The following IQCM variants were observed in gnomAD, a reference collection of about 807,000 sequenced individuals.
The protein encoded by IQCM is IQ motif containing M, also known as IQ domain-containing protein M.
A neutral mutation model predicts 57.6 loss-of-function variants in IQCM; 45 were observed. The observed-to-expected ratio is 0.78, with a 90% confidence interval of 0.62 to 1.00. The LOEUF (loss-of-function observed/expected upper bound fraction) is 1.00, where lower values mean the gene tolerates loss of function less well. Ranked by LOEUF, IQCM falls within the 50% of genes least tolerant of loss-of-function variation. The pLI is 0.00. For synonymous variants in IQCM, 148 were observed against 158.9 expected, an observed-to-expected ratio of 0.93 and a Z score of 0.51; for missense variants, 468 against 511.6, an observed-to-expected ratio of 0.91 and a Z score of 0.82.
chr4:149,680,919 T>A (rs1417717832), intron 7 of IQCM, among the ~76,000 whole-genome samples: 1 of 151,304 alleles, frequency 6.6e-6, no homozygotes, highest in Non-Finnish European at 1.5e-5. Context: ...AAGACTTAAA[T>A]GAATTTCAAC....
chr4:149,356,391 G>A (rs1728982504), intron 13 of IQCM, among the ~76,000 whole-genome samples: 2 of 152,082 alleles, frequency 1.3e-5, no homozygotes, highest in African/African-American at 4.8e-5. Context: ...TAACATTTAA[G>A]TCTTTAATCC....
intron 5 of IQCM, among the ~76,000 whole-genome samples, chr4:149,718,737 C>A (rs76139016): frequency 6.6e-6 from 1 of 152,128 alleles, no homozygotes; most frequent in Non-Finnish European, 1.5e-5. Context: ...CAGCTTCTGG[C>A]GACTGCCAGA....
At chr4:149,465,189 T>C (rs1406226245) in intron 12 of IQCM, among the ~76,000 whole-genome samples, 8 of 152,326 alleles carry the variant, frequency 5.3e-5, no homozygotes, top group African/African-American at 1.9e-4. Context: ...ATAAATCAGA[T>C]AAATTTCTAT....
rs545156112 is a variant in IQCM, at chr4:149,720,606, C to A, written c.385+12638G>T. Among the ~76,000 whole-genome samples, 37 of 152,234 alleles carry A rather than the reference C, an allele frequency of 2.4e-4. No homozygotes were observed. In the East Asian group the frequency reaches 7.1e-3, roughly 29 times the overall value. The stretch of plus-strand genomic sequence containing the variant: ...TGTCATTCAGATATGAATTATAATT[C>A]TATTCATGTGCTAATTTAAGAATTC... On this transcript the variant is annotated intron_variant, in intron 5 of 13. Transcript: ENST00000636793.
chr4:149,678,284 G>GA (rs1341558591), intron 7 of IQCM, among the ~76,000 whole-genome samples: 6 of 151,508 alleles, frequency 4.0e-5, no homozygotes, highest in Admixed American at 1.3e-4. Context: ...AGCAACAAGA[G>GA]AAAAAAAGCA....
chr4:149,535,618 T>C (rs1209039439), intron 12 of IQCM, among the ~76,000 whole-genome samples: 3 of 152,098 alleles, frequency 2.0e-5, no homozygotes, highest in Non-Finnish European at 2.9e-5. Context: ...AGATGGTTAT[T>C]TTCTACTTAA....
intron 8 of IQCM, among the ~76,000 whole-genome samples, chr4:149,609,227 T>C (rs1755061827): frequency 6.6e-6 from 1 of 151,728 alleles, no homozygotes; most frequent in Non-Finnish European, 1.5e-5. Flanking sequence ...CAACTAGTAT[T>C]GAGATAGAAG....
intron 7 of IQCM, among the ~76,000 whole-genome samples, chr4:149,648,293 T>C (rs1410554030): frequency 4.6e-5 from 7 of 152,192 alleles, no homozygotes; most frequent in African/African-American, 1.4e-4. Context: ...TTATTTGTCA[T>C]TGTCTTTAAA....
intron 12 of IQCM, among the ~76,000 whole-genome samples, chr4:149,490,274 A>T (rs1741954891): frequency 6.6e-6 from 1 of 152,024 alleles, no homozygotes; most frequent in African/African-American, 2.4e-5. Flanking sequence ...TGTTTTGATA[A>T]GCATTTTGAA....
intron 8 of IQCM, among the ~76,000 whole-genome samples, chr4:149,614,874 C>T (rs1024372851): frequency 1.3e-5 from 2 of 152,194 alleles, no homozygotes; most frequent in Non-Finnish European, 2.9e-5. Context: ...AGTGGCAGAG[C>T]TCCTCCCAGT....
chr4:149,494,757 G>A (rs927612915), intron 12 of IQCM, among the ~76,000 whole-genome samples: 2 of 152,120 alleles, frequency 1.3e-5, no homozygotes, highest in African/African-American at 4.8e-5. Flanking sequence ...TGGAGAAGCA[G>A]ACAGCAACCA....
At chr4:149,549,024 A>G (rs2149897278) in intron 11 of IQCM, among the ~76,000 whole-genome samples, 1 of 152,234 alleles carries the variant, frequency 6.6e-6, no homozygotes, top group Middle Eastern at 3.4e-3. Flanking sequence ...TCCACTTTGG[A>G]TGGCTTATTC....
chr4:149,579,770 T>C (rs975087243), intron 9 of IQCM, among the ~76,000 whole-genome samples: 3 of 151,790 alleles, frequency 2.0e-5, no homozygotes, highest in African/African-American at 7.3e-5. Context: ...TGGAGGTATA[T>C]GAGGGAGTTT....
Position 149,527,935 on chromosome 4 carries a change from G to A in IQCM, c.1228+20520C>T, listed in dbSNP as rs143323440. ...CTTCCTAGTCATCTTGTACATAATA[G>A]GTACTTAATGATGCTGCTTGGATAT... On this transcript the variant is annotated intron_variant, in intron 12 of 13. Coordinates refer to ENST00000636793, the MANE Select transcript of IQCM (RefSeq NM_001363507.2). Among the ~76,000 whole-genome samples the A allele has an allele frequency of 5.9e-5, 9 of 151,610 alleles. No homozygotes were observed. In the East Asian group the frequency reaches 1.7e-3, roughly 29 times the overall value.
intron 11 of IQCM, among the ~76,000 whole-genome samples, chr4:149,549,895 T>C (rs934349148): frequency 1.3e-5 from 2 of 152,252 alleles, no homozygotes; most frequent in African/African-American, 4.8e-5. Context: ...TGTCTAAATA[T>C]GAATAGCTAT....
chr4:149,385,178 C>A (rs1731335929), intron 13 of IQCM, among the ~76,000 whole-genome samples: 1 of 152,090 alleles, frequency 6.6e-6, no homozygotes, highest in African/African-American at 2.4e-5. Flanking sequence ...TGGTTTTAAT[C>A]TGCCTCCATA....
intron 12 of IQCM, among the ~76,000 whole-genome samples, chr4:149,540,954 G>A (rs1032653499): frequency 7.2e-5 from 11 of 151,938 alleles, no homozygotes; most frequent in Non-Finnish European, 1.2e-4. Context: ...CCTCTGATAC[G>A]TCTTCATTCT....
rs115996357 is a variant in IQCM, at chr4:149,706,994, T to A, written c.386-20526A>T. Among the ~76,000 whole-genome samples, 1,238 of 152,024 alleles carry A rather than the reference T, an allele frequency of 8.1e-3. 14 individuals are homozygous for A. The highest frequency in any genetic ancestry group is 0.028 in the African/African-American group (1,179 of 41,498). On this transcript the variant is annotated intron_variant, in intron 5 of 13. Transcript: ENST00000636793. The stretch of plus-strand genomic sequence containing the variant: ...TAGAAATAAACAGATTTTTCCAAGC[T>A]AAAGGAAGAAAAGATGTAGGAACAC...
At chr4:149,636,702 A>G (rs1757745207) in intron 7 of IQCM, among the ~76,000 whole-genome samples, 1 of 152,202 alleles carries the variant, frequency 6.6e-6, no homozygotes, top group South Asian at 2.1e-4. Context: ...GCATTGTGCT[A>G]GAGTTTCTAG....
Sources: allele counts gnomAD v4.1 joint callset (sites outside exome capture counted in the v4.1 genomes callset), GRCh38; gene constraint gnomAD v4.1.1; transcripts MANE v1.5; gene names NCBI Gene and HGNC (gene_info 2026-07-23, HGNC 2026-07-21).